SLIT2: variants seen among roughly 807,000 people sequenced by gnomAD.
SLIT2 encodes slit homolog 2 protein.
SLIT2 carries 41 observed loss-of-function variants against 185.7 expected under a neutral mutation model. The observed-to-expected ratio is 0.22, with a 90% confidence interval of 0.17 to 0.29. The LOEUF (loss-of-function observed/expected upper bound fraction) is 0.29, where lower values mean the gene tolerates loss of function less well. Among genes scored for constraint, SLIT2 ranks in the 10% least tolerant of loss-of-function variants. The pLI is 1.00. For missense variants in SLIT2, 1,571 were observed against 1,909.0 expected (o/e 0.82, Z 3.30); for synonymous variants, 693 against 680.2 (o/e 1.02, Z -0.29).
intron 4 of SLIT2, among the ~76,000 whole-genome samples, chr4:20,374,761 A>T (rs1047881716): frequency 2.0e-5 from 3 of 151,866 alleles, no homozygotes; most frequent in African/African-American, 4.8e-5. Context: ...ATGCAGCTTC[A>T]GTTTGCTGCT....
intron 4 of SLIT2, among the ~76,000 whole-genome samples, chr4:20,421,169 GATGAAGGAT>G (rs1020975878): frequency 3.3e-5 from 5 of 152,134 alleles, no homozygotes; most frequent in African/African-American, 1.2e-4. Context: ...TCCTAAATTT[GATGAAGGAT>G]TTGGTGAAGG....
chr4:20,486,138 T>C, intron 6 of SLIT2, 62 bp from the exon 7 acceptor site: 1 of 990,582 alleles, frequency 1.0e-6, no homozygotes, highest in Non-Finnish European at 1.6e-6. Context: ...TCTATGTTAA[T>C]ATATAAAATG....
At chr4:20,534,257 C>A (rs73801861) in intron 18 of SLIT2, among the ~76,000 whole-genome samples, 2,288 of 152,226 alleles carry the variant, frequency 0.015, 66 homozygotes, top group African/African-American at 0.052. Context: ...CTGTTTTTTG[C>A]CCCTGCAAGG....
chr4:20,504,210 A>G lies in SLIT2; in HGVS notation c.915-6285A>G, dbSNP rs551464315. 1.8e-3 allele frequency among the ~76,000 whole-genome samples: 267 copies of G among 152,286 alleles called. 1 individual carries two copies. The highest frequency in any genetic ancestry group is 5.8e-3 in the African/African-American group (240 of 41,566). ...TTCCTCCTTTTCAAATGATGGGCCAATCTTACCTATGAGGAGAATGTGTTG... is the reference window on the plus strand; with the variant it reads ...TTCCTCCTTTTCAAATGATGGGCCAGTCTTACCTATGAGGAGAATGTGTTG... On this transcript the variant is annotated intron_variant, in intron 9 of 36. Coordinates refer to ENST00000504154, the MANE Select transcript of SLIT2 (RefSeq NM_004787.4).
chr4:20,447,426 A>T (rs1388953781), intron 4 of SLIT2, among the ~76,000 whole-genome samples: 1 of 152,190 alleles, frequency 6.6e-6, no homozygotes, highest in African/African-American at 2.4e-5. Context: ...TTATAATAGC[A>T]GGAGTAGCTT....
In SLIT2 at chr4:20,252,472, G is replaced by T. The variant is rs1359813149; in HGVS notation, c.-1344G>T. On this transcript the variant is annotated 5_prime_UTR_variant, in exon 1 of 37. Transcript: ENST00000504154. ...CAGGTGCAGCGCCAGGAGCCGGGCG[G>T]CGTCGCCACGCCGGCAGGGGTACCG... is the stretch of plus-strand genomic sequence containing the variant. Among the ~76,000 whole-genome samples, 1 of 152,224 alleles carries T rather than the reference G, an allele frequency of 6.6e-6. No individual in the cohort carries two copies. The highest frequency in any genetic ancestry group is 1.5e-5 in the Non-Finnish European group (1 of 68,038).
In SLIT2 at chr4:20,541,495, T is replaced by C; in HGVS notation, c.2019T>C (p.Ala673=). 6.2e-7 allele frequency: 1 copy of C among 1,614,000 alleles called. No homozygotes were observed. The highest frequency in any genetic ancestry group is 1.1e-5 in the South Asian group (1 of 91,066). ...CTTTTAACTGTAACTGCTACCTGGC[T>C]TGGTTGGGAGAGTGGCTGAGAAAGA... The part of the protein sequence containing the change: ...ANPFNCNCYL[A]WLGEWLRKKR... Residue 673 remains alanine, a synonymous_variant, in exon 20 of 37, where the codon GCT becomes GCC. Coordinates refer to ENST00000504154, the MANE Select transcript of SLIT2 (RefSeq NM_004787.4).
chr4:20,332,088 A>G (rs1720108454), intron 4 of SLIT2, among the ~76,000 whole-genome samples: 1 of 152,092 alleles, frequency 6.6e-6, no homozygotes, highest in Non-Finnish European at 1.5e-5. Context: ...ATGAGCAGTC[A>G]TGTTGAACTT....
At chr4:20,467,690 G>T in intron 4 of SLIT2, 62 bp from the exon 5 acceptor site, 2 of 1,020,160 alleles carry the variant, frequency 2.0e-6, no homozygotes, top group South Asian at 1.6e-5. Flanking sequence ...CAAACATTTG[G>T]ATTAAAATAA....
Position 20,472,598 on chromosome 4 carries a change from C to CTATATATATCGATATA in SLIT2, c.467+4779_467+4780insTATATCGATATATATA, listed in dbSNP as rs373022250. 1.9e-3 allele frequency among the ~76,000 whole-genome samples: 15 copies of CTATATATATCGATATA among 7,780 alleles called. 5 individuals carry two copies. Among genetic ancestry groups the CTATATATATCGATATA allele is most frequent in the African/African-American group, 9.0e-3 (15 of 1,670 alleles). 5.1% of individuals were successfully genotyped at this position (7,780 alleles called of 152,430 possible). Reference sequence around the variant, plus strand: ...GATATATCTATATATAGATATATATCTATAGATATATCTATATATATCGAT... The same window carrying CTATATATATCGATATA: ...GATATATCTATATATAGATATATATCTATATATATCGATATATATAGATATATCTATATATATCGAT... On this transcript the variant is annotated intron_variant, in intron 5 of 36. Coordinates refer to ENST00000504154, the MANE Select transcript of SLIT2 (RefSeq NM_004787.4).
At chr4:20,453,243 T>G (rs1005585961) in intron 4 of SLIT2, among the ~76,000 whole-genome samples, 7 of 152,238 alleles carry the variant, frequency 4.6e-5, no homozygotes, top group African/African-American at 1.4e-4. Flanking sequence ...AAGATGTATC[T>G]TAAAATAGCT....
At chr4:20,525,053 C>A in intron 14 of SLIT2, 96 bp from the exon 15 acceptor site, 1 of 863,162 alleles carries the variant, frequency 1.2e-6, no homozygotes, top group Non-Finnish European at 2.0e-6. Flanking sequence ...CACTTAATTG[C>A]AGTAACTTTA....
At chr4:20,565,660 T>C (rs979004625) in intron 26 of SLIT2, among the ~76,000 whole-genome samples, 2 of 151,894 alleles carry the variant, frequency 1.3e-5, no homozygotes, top group South Asian at 4.2e-4. Flanking sequence ...GTTATTGTAG[T>C]TACCAAGACA....
intron 26 of SLIT2, among the ~76,000 whole-genome samples, chr4:20,555,004 A>G (rs979364332): frequency 7.2e-5 from 11 of 151,990 alleles, no homozygotes; most frequent in African/African-American, 2.7e-4. Flanking sequence ...TCCTGACCTC[A>G]TGATCCACAC....
At chr4:20,563,475 T>A (rs1724856940) in intron 26 of SLIT2, among the ~76,000 whole-genome samples, 1 of 151,862 alleles carries the variant, frequency 6.6e-6, no homozygotes, top group Non-Finnish European at 1.5e-5. Context: ...AAAGGTGTAC[T>A]ATTATTTCTG....
chr4:20,548,580 C>G (rs761432254), intron 23 of SLIT2, 21 bp downstream of exon 23: 1 of 1,471,346 alleles, frequency 6.8e-7, no homozygotes, highest in South Asian at 1.1e-5. Context: ...AAGTGTGGTA[C>G]TGAGTATTCA....
chr4:20,448,095 T>C (rs1337315450), intron 4 of SLIT2, among the ~76,000 whole-genome samples: 1 of 152,214 alleles, frequency 6.6e-6, no homozygotes, highest in East Asian at 1.9e-4. Flanking sequence ...AGTCTATTTC[T>C]AACTACTTAA....
chr4:20,316,917 G>A (rs1456495186), intron 4 of SLIT2, among the ~76,000 whole-genome samples: 1 of 150,296 alleles, frequency 6.7e-6, no homozygotes, highest in African/African-American at 2.4e-5. Flanking sequence ...TAATCAAGCT[G>A]GCTGAATTAT....
At chr4:20,277,730 G>T (rs1045612594) in intron 4 of SLIT2, among the ~76,000 whole-genome samples, 4 of 145,970 alleles carry the variant, frequency 2.7e-5, no homozygotes, top group African/African-American at 9.9e-5. Context: ...CATGATGAAA[G>T]ATTTTCATCA....
Sources: allele counts gnomAD v4.1 joint callset (sites outside exome capture counted in the v4.1 genomes callset), GRCh38; gene constraint gnomAD v4.1.1; transcripts MANE v1.5; gene names NCBI Gene and HGNC (gene_info 2026-07-23, HGNC 2026-07-21).